RPL5: variants seen among roughly 807,000 people sequenced by gnomAD.
RPL5 encodes the protein ribosomal protein L5.
RPL5 carries 1 observed loss-of-function variant against 38.4 expected under a neutral mutation model. That is an observed-to-expected ratio of 0.03 (90% CI 0.01 to 0.12). RPL5 has a LOEUF of 0.12. Ranked by LOEUF, RPL5 falls within the 10% of genes least tolerant of loss-of-function variation. RPL5 has a pLI of 1.00. For missense variants in RPL5, 243 were observed against 374.1 expected, an observed-to-expected ratio of 0.65 and a Z score of 2.89; for synonymous variants, 109 against 121.2, an observed-to-expected ratio of 0.90 and a Z score of 0.66.
chr1:92,839,393 C>T (rs996227696), intron 6 of RPL5, among the ~76,000 whole-genome samples: 2 of 152,086 alleles, frequency 1.3e-5, no homozygotes, highest in African/African-American at 2.4e-5. Context: ...AATATCTGAT[C>T]GGTTGGCTTT....
chr1:92,840,266 C>CT, intron 6 of RPL5: 1 of 378,702 alleles, frequency 2.6e-6, no homozygotes, highest in Non-Finnish European at 5.0e-6. Flanking sequence ...CCACTTCAGA[C>CT]TCCCAAAGTG....
At chr1:92,834,468 G>A (rs1182583246) in intron 3 of RPL5, among the ~76,000 whole-genome samples, 1 of 152,108 alleles carries the variant, frequency 6.6e-6, no homozygotes, top group Non-Finnish European at 1.5e-5. Context: ...CCTGTTTCCT[G>A]GGCAAATAGT....
chr1:92,839,628 A>G (rs916814519), intron 6 of RPL5, among the ~76,000 whole-genome samples: 11 of 152,294 alleles, frequency 7.2e-5, no homozygotes, highest in African/African-American at 1.9e-4. Context: ...GTCTCAGTTA[A>G]GCTATGTCAG....
At chr1:92,834,414 T>C (rs1048089724) in intron 3 of RPL5, among the ~76,000 whole-genome samples, 4 of 152,158 alleles carry the variant, frequency 2.6e-5, no homozygotes, top group African/African-American at 9.7e-5. Flanking sequence ...TAGGAGAAAT[T>C]CTGAGAGTTA....
In RPL5 at chr1:92,834,759, T is replaced by G; in HGVS notation, c.190-20T>G. On this transcript the variant is annotated intron_variant, in intron 3 of 7. Transcript: ENST00000370321. ...CAGTGAAAGCAACAGATTACTAACC[T>G]AGTTTCTCTCTTACTATAGATTGCT... is the stretch of plus-strand genomic sequence containing the variant. The G allele has an allele frequency of 6.2e-7, 1 of 1,612,294 alleles. No homozygotes were observed. The highest frequency in any genetic ancestry group is 8.5e-7 in the Non-Finnish European group (1 of 1,179,814).
chr1:92,832,707 C>T (rs1347423897), intron 1 of RPL5: 6 of 400,694 alleles, frequency 1.5e-5, no homozygotes, highest in Admixed American at 8.4e-5. Flanking sequence ...CCTGCCTCTT[C>T]CTCTAGAGTC....
At chr1:92,832,194 C>T in intron 1 of RPL5, 77 bp downstream of exon 1, 1 of 1,593,018 alleles carries the variant, frequency 6.3e-7, no homozygotes, top group Non-Finnish European at 8.6e-7. Context: ...GCCTAGGGCC[C>T]GTCTCGCGCG....
chr1:92,840,102 C>T (rs1024231449), intron 6 of RPL5, among the ~76,000 whole-genome samples: 2 of 151,678 alleles, frequency 1.3e-5, no homozygotes, highest in Admixed American at 6.6e-5. Context: ...CCACTGCAGC[C>T]TTGACCTCCT....
chr1:92,833,735 G>T (rs1687008007), intron 3 of RPL5, 75 bp downstream of exon 3: 5 of 1,228,508 alleles, frequency 4.1e-6, no homozygotes, highest in Non-Finnish European at 4.8e-6. Context: ...CACATGGTGT[G>T]TGTGTTAGAA....
At chr1:92,837,018 C>A in intron 5 of RPL5, 1 of 265,104 alleles carries the variant, frequency 3.8e-6, no homozygotes, top group African/African-American at 2.2e-5. Flanking sequence ...TGAAATTTTG[C>A]TTTTATGATG....
rs1207727513 is a variant in RPL5 at position 92,837,544 on chromosome 1, G to T, written c.616G>T (p.Asp206Tyr). The change falls in exon 6 of 8, where the codon GAT becomes TAT. Residue 206 changes from aspartate to tyrosine, a missense_variant. By Grantham distance (160) the Asp-to-Tyr change is radical (BLOSUM62 -3). Coordinates refer to ENST00000370321, the MANE Select transcript of RPL5 (RefSeq NM_000969.5). ...GCACATCATGGGCCAGAATGTTGCA[G>T]ATTACATGCGCTACTTAATGGAAGA... ...RKHIMGQNVA[D>Y]YMRYLMEEDE... 6.2e-7 allele frequency: 1 copy of T among 1,612,184 alleles called. No individual in the cohort carries two copies. The highest frequency in any genetic ancestry group is 8.5e-7 in the Non-Finnish European group (1 of 1,179,836).
rs372392388 is a variant in RPL5 at position 92,833,297 on chromosome 1, G to A, written c.4-92G>A. On this transcript the variant is annotated intron_variant, in intron 1 of 7. Coordinates refer to ENST00000370321, the MANE Select transcript of RPL5 (RefSeq NM_000969.5). Reference sequence around the variant, plus strand: ...TGACAGTTGTCTGTTTACTCTTGAAGTTCAAGTGTTACTTTGTTACATGGT... The same window carrying A: ...TGACAGTTGTCTGTTTACTCTTGAAATTCAAGTGTTACTTTGTTACATGGT... 282 of 1,041,340 alleles carry A rather than the reference G, an allele frequency of 2.7e-4. 3 individuals carry two copies. In the South Asian group the frequency reaches 3.7e-3, roughly 14 times the overall value. 64.5% of individuals were successfully genotyped at this position (1,041,340 alleles called of 1,614,324 possible).
intron 6 of RPL5, among the ~76,000 whole-genome samples, chr1:92,839,712 G>T (rs545009901): frequency 6.6e-6 from 1 of 152,294 alleles, no homozygotes; most frequent in East Asian, 1.9e-4. Flanking sequence ...TTGAATGAAA[G>T]AATCTAGGTC....
chr1:92,841,365 A>C (rs1687356188), intron 7 of RPL5, among the ~76,000 whole-genome samples: 2 of 152,216 alleles, frequency 1.3e-5, no homozygotes, highest in African/African-American at 4.8e-5. Flanking sequence ...ATTTTTAAAG[A>C]CTGGGTAATA....
chr1:92,833,050 AT>A (rs746149734), intron 1 of RPL5: 5 of 734,324 alleles, frequency 6.8e-6, no homozygotes, highest in Non-Finnish European at 7.5e-6. Context: ...AGAAACAAAT[AT>A]GGAAATTGAA....
intron 7 of RPL5, among the ~76,000 whole-genome samples, chr1:92,841,198 C>T (rs1455544871): frequency 1.3e-5 from 2 of 152,184 alleles, no homozygotes; most frequent in South Asian, 2.1e-4. Flanking sequence ...TTTGCACCCA[C>T]CAGCCTCTGT....
intron 6 of RPL5, 119 bp downstream of exon 6, chr1:92,837,752 T>A: frequency 1.3e-6 from 1 of 788,718 alleles, no homozygotes; most frequent in Non-Finnish European, 2.1e-6. Context: ...TGAGCTAGAC[T>A]TGTCAACATT....
intron 6 of RPL5, among the ~76,000 whole-genome samples, chr1:92,839,415 T>C (rs1167664799): frequency 6.6e-6 from 1 of 152,124 alleles, no homozygotes; most frequent in African/African-American, 2.4e-5. Flanking sequence ...CAGGAAAACT[T>C]CTGACATCTT....
At chr1:92,839,012 G>A in intron 6 of RPL5, among the ~76,000 whole-genome samples, 1 of 144,088 alleles carries the variant, frequency 6.9e-6, no homozygotes, top group South Asian at 2.3e-4. Flanking sequence ...ATAATTATTA[G>A]ATATTCAGAG....
Sources: gnomAD v4.1 joint callset for allele counts (sites outside exome capture counted in the v4.1 genomes callset) on GRCh38, gnomAD v4.1.1 for gene constraint, MANE v1.5 for transcripts, NCBI Gene and HGNC (gene_info 2026-07-23, HGNC 2026-07-21) for gene names.